MYLK: variants seen among roughly 807,000 people sequenced by gnomAD.
MYLK encodes myosin light chain kinase, smooth muscle.
Under a neutral mutation model 203.4 loss-of-function variants are expected in MYLK, and 106 were observed. The ratio of observed to expected loss-of-function variants is 0.52; its 90% CI spans 0.45 to 0.61. MYLK has a LOEUF of 0.61. Ranked by LOEUF, MYLK falls within the 20% of genes least tolerant of loss-of-function variation. The pLI, the probability that MYLK is intolerant of heterozygous loss-of-function variation, is 0.00. For missense variants in MYLK, 2,072 were observed against 2,442.3 expected (o/e 0.85, Z 3.20); for synonymous variants, 867 against 959.5 (o/e 0.90, Z 1.78).
chr3:123,647,832 G>C (rs820475), intron 26 of MYLK, among the ~76,000 whole-genome samples: 2 of 151,760 alleles, frequency 1.3e-5, no homozygotes, highest in Non-Finnish European at 2.9e-5. Flanking sequence ...GATTACAAGC[G>C]TGAGCCACCA....
At chr3:123,619,003 C>T (rs916702531) in intron 32 of MYLK, among the ~76,000 whole-genome samples, 11 of 152,202 alleles carry the variant, frequency 7.2e-5, no homozygotes, top group African/African-American at 2.7e-4. Context: ...CTCCCCCTTC[C>T]CCTTATGCTG....
At chr3:123,651,137 C>T (rs541279913) in intron 24 of MYLK, among the ~76,000 whole-genome samples, 202 of 152,256 alleles carry the variant, frequency 1.3e-3, no homozygotes, top group Non-Finnish European at 1.8e-3. Context: ...GGAAAGAAGT[C>T]TAAAATGGAC....
chr3:123,739,569 CT>C (rs2062794578), intron 6 of MYLK, among the ~76,000 whole-genome samples: 1 of 152,262 alleles, frequency 6.6e-6, no homozygotes, highest in South Asian at 2.1e-4. Flanking sequence ...CTGAACTGAA[CT>C]TTCCCTGAGT....
intron 4 of MYLK, among the ~76,000 whole-genome samples, chr3:123,785,448 A>G (rs2064476148): frequency 6.6e-6 from 1 of 152,242 alleles, no homozygotes; most frequent in African/African-American, 2.4e-5. Context: ...ACACCTGTGG[A>G]AAATTTGGGA....
intron 3 of MYLK, among the ~76,000 whole-genome samples, chr3:123,828,169 C>T (rs1490451075): frequency 1.3e-5 from 2 of 152,004 alleles, no homozygotes; most frequent in Admixed American, 6.5e-5. Context: ...CCAAAAATGA[C>T]AAAGCTGGGG....
chr3:123,813,340 G>A (rs2065625248), intron 3 of MYLK, among the ~76,000 whole-genome samples: 1 of 152,174 alleles, frequency 6.6e-6, no homozygotes, highest in Non-Finnish European at 1.5e-5. Flanking sequence ...GAGCTCTTGG[G>A]TCAAAGTTAA....
intron 3 of MYLK, among the ~76,000 whole-genome samples, chr3:123,801,406 T>C (rs1241179194): frequency 6.6e-6 from 1 of 152,222 alleles, no homozygotes; most frequent in Admixed American, 6.5e-5. Context: ...TTTTTAACTT[T>C]TACTTTATTT....
chr3:123,717,141 T>C (rs1269435522), intron 13 of MYLK, among the ~76,000 whole-genome samples: 5 of 152,248 alleles, frequency 3.3e-5, no homozygotes, highest in Non-Finnish European at 7.3e-5. Flanking sequence ...AAGTTGTCAG[T>C]GTTTTTAAGC....
chr3:123,711,411 G>A (rs1416289563), intron 13 of MYLK, among the ~76,000 whole-genome samples: 1 of 152,156 alleles, frequency 6.6e-6, no homozygotes, highest in Non-Finnish European at 1.5e-5. Flanking sequence ...TCTGAGACAG[G>A]GAGTGTGTCG....
chr3:123,839,340 T>A (rs1348392198), intron 2 of MYLK, among the ~76,000 whole-genome samples: 1 of 151,884 alleles, frequency 6.6e-6, no homozygotes, highest in Non-Finnish European at 1.5e-5. Context: ...AAGACAGAAA[T>A]GGGTTAAAAA....
At chr3:123,818,105 C>T (rs2065807070) in intron 3 of MYLK, among the ~76,000 whole-genome samples, 2 of 152,126 alleles carry the variant, frequency 1.3e-5, no homozygotes, top group South Asian at 4.2e-4. Flanking sequence ...GTAGTCCATT[C>T]CCTTATGATG....
chr3:123,679,243 G>A (rs955255301), intron 20 of MYLK, among the ~76,000 whole-genome samples: 1 of 149,938 alleles, frequency 6.7e-6, no homozygotes, highest in Non-Finnish European at 1.5e-5. Context: ...GGAGGCGGAG[G>A]TTGTAGTGAG....
intron 16 of MYLK, among the ~76,000 whole-genome samples, chr3:123,707,144 C>T (rs3180216): frequency 2.0e-5 from 3 of 152,184 alleles, no homozygotes; most frequent in Non-Finnish European, 2.9e-5. Flanking sequence ...AGGTCCACAA[C>T]GCAAGGAGCT....
At chr3:123,781,782 T>G (rs1450058474) in intron 4 of MYLK, among the ~76,000 whole-genome samples, 2 of 151,846 alleles carry the variant, frequency 1.3e-5, no homozygotes, top group Non-Finnish European at 2.9e-5. Context: ...CCCAAGCACC[T>G]CCTCAAACCA....
chr3:123,683,337 C>T (rs1406429493), intron 19 of MYLK, among the ~76,000 whole-genome samples: 1 of 152,082 alleles, frequency 6.6e-6, no homozygotes, highest in East Asian at 1.9e-4. Flanking sequence ...CGCCACATTC[C>T]TGAGGCTTGG....
At chr3:123,645,783 A>G (rs2058997237) in intron 27 of MYLK, among the ~76,000 whole-genome samples, 1 of 152,248 alleles carries the variant, frequency 6.6e-6, no homozygotes, top group Non-Finnish European at 1.5e-5. Flanking sequence ...AAAACCCCAC[A>G]GAGCTGTGAG....
intron 2 of MYLK, among the ~76,000 whole-genome samples, chr3:123,873,217 TA>T (rs1421019849): frequency 3.3e-5 from 5 of 152,096 alleles, no homozygotes; most frequent in Non-Finnish European, 7.4e-5. Context: ...AACAGATCCG[TA>T]AAAAGCGCCT....
Position 123,614,028 on chromosome 3 carries a change from G to GTGAGT in MYLK, c.*76_*77insACTCA. ...ACACTAGGTGCTTTTACTATCTTGA[G>GTGAGT]TTTTTTTTTTTTTTTTGAGTTTTAG... On this transcript the variant is annotated 3_prime_UTR_variant, in exon 34 of 34. Coordinates refer to ENST00000360304, the MANE Select transcript of MYLK (RefSeq NM_053025.4). 2 of 1,291,578 alleles carry GTGAGT rather than the reference G, an allele frequency of 1.5e-6. No individual in the cohort carries two copies. Among genetic ancestry groups the GTGAGT allele is most frequent in the East Asian group, 4.8e-5 (2 of 41,592 alleles). 80.0% of individuals were successfully genotyped at this position (1,291,578 alleles called of 1,614,324 possible). A position where few individuals can be genotyped will look rare whatever the true frequency, so the allele number is the denominator to read the frequency against.
rs58925607 is a variant in MYLK, at chr3:123,859,066, T to C, written c.-127+17493A>G. The stretch of plus-strand genomic sequence containing the variant: ...ATCTGTTTCTGTGAAAGTTAAATGA[T>C]AGAAATGAATTGTTAAAAAAATTAC... On this transcript the variant is annotated intron_variant, in intron 2 of 33. Coordinates refer to ENST00000360304, the MANE Select transcript of MYLK (RefSeq NM_053025.4). Among the ~76,000 whole-genome samples, 1,304 of 152,304 alleles carry C rather than the reference T, an allele frequency of 8.6e-3. 11 individuals carry two copies. Among genetic ancestry groups the C allele is most frequent in the African/African-American group, 0.028 (1,166 of 41,560 alleles).
Sources: gnomAD v4.1 joint callset for allele counts (sites outside exome capture counted in the v4.1 genomes callset) on GRCh38, gnomAD v4.1.1 for gene constraint, MANE v1.5 for transcripts, NCBI Gene and HGNC (gene_info 2026-07-23, HGNC 2026-07-21) for gene names.